CNTN4: variants seen among roughly 807,000 people sequenced by gnomAD.
CNTN4 encodes contactin 4.
CNTN4 carries 77 observed loss-of-function variants against 122.5 expected under a neutral mutation model. The observed-to-expected ratio is 0.63, with a 90% CI of 0.52 to 0.76. The LOEUF (loss-of-function observed/expected upper bound fraction) is 0.76. Among genes scored for constraint, CNTN4 ranks in the 30% least tolerant of loss-of-function variants. The pLI, the probability that CNTN4 is intolerant of heterozygous loss-of-function variation, is 0.00. For synonymous variants in CNTN4, 512 were observed against 447.0 expected (o/e 1.15, Z -1.83); for missense variants, 1,256 against 1,259.1 (o/e 1.00, Z 0.04).
At chr3:2,813,032 G>C (rs1346259395) in intron 6 of CNTN4, among the ~76,000 whole-genome samples, 1 of 152,062 alleles carries the variant, frequency 6.6e-6, no homozygotes, top group Non-Finnish European at 1.5e-5. Flanking sequence ...TGAAACTCAG[G>C]TTTTGTAAAT....
chr3:2,572,645 T>G (rs2079476994), intron 4 of CNTN4, among the ~76,000 whole-genome samples: 1 of 152,170 alleles, frequency 6.6e-6, no homozygotes, highest in South Asian at 2.1e-4. Flanking sequence ...ATTTGCATTT[T>G]TACAACATGA....
chr3:2,648,816 C>T (rs75690562), intron 4 of CNTN4, among the ~76,000 whole-genome samples: 1,966 of 152,262 alleles, frequency 0.013, 22 homozygotes, highest in Non-Finnish European at 0.02. Flanking sequence ...ATGCCTCTTG[C>T]GCCAAATGGT....
intron 4 of CNTN4, among the ~76,000 whole-genome samples, chr3:2,629,980 G>A (rs1162285864): frequency 1.3e-5 from 2 of 152,188 alleles, no homozygotes; most frequent in East Asian, 3.9e-4. Flanking sequence ...CCTGGAGCCA[G>A]AAAAGTAGGA....
Position 2,424,385 on chromosome 3 carries a change from G to C in CNTN4, c.-89+85152G>C, listed in dbSNP as rs1261197794. On this transcript the variant is annotated intron_variant, in intron 3 of 24. Coordinates refer to ENST00000418658, the MANE Select transcript of CNTN4 (RefSeq NM_175607.3). ...CCAGCTTCATCCATGTTCCTACAAA[G>C]GACATGAACTCATCCTTTTTTATGG... Among the ~76,000 whole-genome samples the C allele has an allele frequency of 2.6e-5, 4 of 151,998 alleles. No homozygotes were observed. In the East Asian group the frequency reaches 7.8e-4, roughly 30 times the overall value.
intron 7 of CNTN4, among the ~76,000 whole-genome samples, chr3:2,853,744 C>A (rs752424224): frequency 3.3e-5 from 5 of 152,150 alleles, no homozygotes; most frequent in Non-Finnish European, 5.9e-5. Flanking sequence ...GTTTTGGCGT[C>A]TTGAAACCAG....
At position 3,040,146 on chromosome 3, in the gene CNTN4, C is replaced by G; in HGVS notation, c.2273C>G (p.Ser758Cys). 1 of 1,614,126 alleles carries G rather than the reference C, an allele frequency of 6.2e-7. No homozygotes were observed. Among genetic ancestry groups the G allele is most frequent in the Non-Finnish European group, 8.5e-7 (1 of 1,179,958 alleles). Residue 758 changes from serine to cysteine, a missense_variant, in exon 20 of 25, where the codon TCT (serine) becomes TGT (cysteine). Coordinates refer to ENST00000418658, the MANE Select transcript of CNTN4 (RefSeq NM_175607.3). ...ACAGTGCTGGCCTCAGCTGATGCCT[C>G]TAGATACGTGTTCAGGAATGAGAGC... Reference protein sequence around the residue: ...MLTVLASADASRYVFRNESVH... With the variant: ...MLTVLASADACRYVFRNESVH...
chr3:2,115,712 G>A (rs1476040894), intron 2 of CNTN4, among the ~76,000 whole-genome samples: 1 of 152,188 alleles, frequency 6.6e-6, no homozygotes, highest in African/African-American at 2.4e-5. Flanking sequence ...TTTATTCAAA[G>A]GGAATTCTAA....
chr3:2,328,241 T>C (rs1277575391), intron 2 of CNTN4, among the ~76,000 whole-genome samples: 6 of 151,516 alleles, frequency 4.0e-5, no homozygotes, highest in African/African-American at 1.2e-4. Context: ...CCGTCTCTAC[T>C]AAAAATACAA....
intron 3 of CNTN4, among the ~76,000 whole-genome samples, chr3:2,565,478 C>G (rs1012881183): frequency 6.6e-6 from 1 of 152,030 alleles, no homozygotes; most frequent in Non-Finnish European, 1.5e-5. Context: ...TTTCATTATC[C>G]AAGAAGAACC....
At chr3:2,167,021 T>C (rs925245634) in intron 2 of CNTN4, among the ~76,000 whole-genome samples, 3 of 152,148 alleles carry the variant, frequency 2.0e-5, no homozygotes, top group African/African-American at 7.2e-5. Flanking sequence ...TGTATATGTA[T>C]ATCAAAATAT....
chr3:2,236,867 G>T (rs536811396), intron 2 of CNTN4, among the ~76,000 whole-genome samples: 1 of 152,302 alleles, frequency 6.6e-6, no homozygotes, highest in Admixed American at 6.5e-5. Context: ...ATCAAGTAGG[G>T]AGATAGAATG....
intron 3 of CNTN4, among the ~76,000 whole-genome samples, chr3:2,390,953 G>T (rs2046420476): frequency 6.6e-6 from 1 of 152,120 alleles, no homozygotes; most frequent in Non-Finnish European, 1.5e-5. Context: ...TGTTTTTGAG[G>T]TTATAAAATA....
intron 3 of CNTN4, among the ~76,000 whole-genome samples, chr3:2,355,623 G>A (rs373439138): frequency 2.2e-4 from 33 of 152,156 alleles, no homozygotes; most frequent in East Asian, 1.9e-3. Context: ...ACCCCTGAAG[G>A]TATTTTCTTT....
intron 13 of CNTN4, among the ~76,000 whole-genome samples, chr3:2,983,260 A>G (rs1052472709): frequency 7.0e-6 from 1 of 143,776 alleles, no homozygotes; most frequent in African/African-American, 2.6e-5. Flanking sequence ...AAAAAAGCAC[A>G]AAGCCTAATA....
At chr3:2,692,307 A>G (rs1485585843) in intron 4 of CNTN4, among the ~76,000 whole-genome samples, 2 of 152,160 alleles carry the variant, frequency 1.3e-5, no homozygotes, top group Non-Finnish European at 2.9e-5. Context: ...GAAAACCTAC[A>G]GTGCCCGGTG....
intron 2 of CNTN4, among the ~76,000 whole-genome samples, chr3:2,275,813 A>C (rs148595915): frequency 6.6e-6 from 1 of 150,630 alleles, no homozygotes; most frequent in Non-Finnish European, 1.5e-5. Flanking sequence ...CCAGCTACTC[A>C]GGAAGCTGAG....
chr3:2,528,790 C>T (rs946256399), intron 3 of CNTN4, among the ~76,000 whole-genome samples: 2 of 151,762 alleles, frequency 1.3e-5, no homozygotes, highest in Admixed American at 1.3e-4. Context: ...AATTTGTTTC[C>T]ACCTTTAGTA....
chr3:2,883,023 T>G (rs2093930160), intron 8 of CNTN4, 122 bp from the exon 9 acceptor site: 2 of 715,918 alleles, frequency 2.8e-6, no homozygotes, highest in Non-Finnish European at 4.9e-6. Context: ...CTGCTTTAAA[T>G]GAAGGAATTA....
chr3:2,303,902 C>T (rs2150090851), intron 2 of CNTN4, among the ~76,000 whole-genome samples: 1 of 152,292 alleles, frequency 6.6e-6, no homozygotes, highest in East Asian at 1.9e-4. Flanking sequence ...CTGATTGTAT[C>T]CTCAGAATAC....
Sources: allele counts gnomAD v4.1 joint callset (sites outside exome capture counted in the v4.1 genomes callset), GRCh38; gene constraint gnomAD v4.1.1; transcripts MANE v1.5; gene names NCBI Gene and HGNC (gene_info 2026-07-23, HGNC 2026-07-21).